ERBB4: variants seen among roughly 807,000 people sequenced by gnomAD.
The protein encoded by ERBB4 is erb-b2 receptor tyrosine kinase 4.
A neutral mutation model predicts 158.0 loss-of-function variants in ERBB4; 42 were observed. The observed-to-expected ratio is 0.27, with a 90% CI of 0.21 to 0.34. The LOEUF is 0.34. Among genes scored for constraint, ERBB4 ranks in the 10% least tolerant of loss-of-function variants. ERBB4 has a pLI of 1.00. For missense variants in ERBB4, 1,333 were observed against 1,624.1 expected (o/e 0.82, Z 3.08); for synonymous variants, 583 against 558.7 (o/e 1.04, Z -0.61).
rs147185440 is a variant in ERBB4 at position 212,099,038 on chromosome 2, T to A, written c.234+25714A>T. Among the ~76,000 whole-genome samples the A allele has an allele frequency of 7.2e-3, 1,088 of 152,068 alleles. 5 individuals are homozygous for A. Among genetic ancestry groups the A allele is most frequent in the Middle Eastern group, 0.027 (8 of 294 alleles). ...GCTCATGCCTGTAATACCAGCAGTT[T>A]GGGAGGCTAAGGTGGGAGGATCACT... On this transcript the variant is annotated intron_variant, in intron 2 of 27. Transcript: ENST00000342788.
chr2:212,373,329 G>A (rs1387013563), intron 1 of ERBB4, among the ~76,000 whole-genome samples: 1 of 152,030 alleles, frequency 6.6e-6, no homozygotes, highest in Admixed American at 6.5e-5. Flanking sequence ...TGTGAGGAAA[G>A]CATAATAAAC....
At chr2:212,484,932 T>C (rs1689897574) in intron 1 of ERBB4, among the ~76,000 whole-genome samples, 1 of 152,204 alleles carries the variant, frequency 6.6e-6, no homozygotes, top group African/African-American at 2.4e-5. Flanking sequence ...ACATGACTCG[T>C]TGGACCAAAT....
chr2:212,381,935 A>G (rs2090516809), intron 1 of ERBB4, among the ~76,000 whole-genome samples: 1 of 151,052 alleles, frequency 6.6e-6, no homozygotes, highest in South Asian at 2.1e-4. Flanking sequence ...AGTTTCCCAT[A>G]TAACTCCAGT....
intron 1 of ERBB4, among the ~76,000 whole-genome samples, chr2:212,141,017 C>T (rs2080447902): frequency 6.6e-6 from 1 of 151,530 alleles, no homozygotes; most frequent in South Asian, 2.1e-4. Flanking sequence ...CTCTTCTGAT[C>T]TCATATTTTA....
At chr2:212,441,501 G>T (rs1345354342) in intron 1 of ERBB4, among the ~76,000 whole-genome samples, 2 of 152,144 alleles carry the variant, frequency 1.3e-5, no homozygotes, top group Admixed American at 6.5e-5. Context: ...GACTCATGAG[G>T]TGAGCTACAC....
chr2:211,819,115 G>A (rs567667134), intron 3 of ERBB4, among the ~76,000 whole-genome samples: 6 of 152,070 alleles, frequency 3.9e-5, no homozygotes, highest in Admixed American at 1.3e-4. Flanking sequence ...TCTCACCATT[G>A]TTTTCCTGTG....
At chr2:212,184,624 C>T (rs10204238) in intron 1 of ERBB4, among the ~76,000 whole-genome samples, 7,612 of 150,468 alleles carry the variant, frequency 0.051, 625 homozygotes, top group African/African-American at 0.17. Flanking sequence ...TAAAAGTAAA[C>T]AAAATGTCTT....
chr2:211,941,639 C>T (rs563418847), intron 3 of ERBB4, among the ~76,000 whole-genome samples: 7 of 151,814 alleles, frequency 4.6e-5, no homozygotes, highest in African/African-American at 1.5e-4. Context: ...AGACAAAGGC[C>T]AGCCTCAGGC....
intron 2 of ERBB4, among the ~76,000 whole-genome samples, chr2:212,091,554 C>G (rs1260265889): frequency 6.6e-6 from 1 of 151,888 alleles, no homozygotes; most frequent in African/African-American, 2.4e-5. Context: ...TTGCATGACC[C>G]CTGAAGGGTG....
chr2:212,092,128 T>G (rs1437248075), intron 2 of ERBB4, among the ~76,000 whole-genome samples: 1 of 152,234 alleles, frequency 6.6e-6, no homozygotes, highest in Non-Finnish European at 1.5e-5. Context: ...ATGTCTTTCC[T>G]AAAACTGCCT....
At chr2:212,005,477 G>A in intron 2 of ERBB4, among the ~76,000 whole-genome samples, 1 of 152,182 alleles carries the variant, frequency 6.6e-6, no homozygotes, top group East Asian at 1.9e-4. Flanking sequence ...ATAGCGGGAG[G>A]TTATGAGGAA....
At chr2:212,218,728 T>G (rs1230886569) in intron 1 of ERBB4, among the ~76,000 whole-genome samples, 1 of 151,384 alleles carries the variant, frequency 6.6e-6, no homozygotes, top group African/African-American at 2.4e-5. Context: ...AGGATGCCAA[T>G]GGCTCATGCT....
chr2:211,580,474 A>G (rs921420939), intron 19 of ERBB4, among the ~76,000 whole-genome samples: 10 of 152,088 alleles, frequency 6.6e-5, no homozygotes, highest in African/African-American at 2.2e-4. Flanking sequence ...AAGAATGGCC[A>G]TAATCAAAAA....
chr2:212,496,093 A>G (rs888414309), intron 1 of ERBB4, among the ~76,000 whole-genome samples: 1 of 152,122 alleles, frequency 6.6e-6, no homozygotes, highest in African/African-American at 2.4e-5. Flanking sequence ...GTAATGATCA[A>G]ATTGCAGTTA....
At chr2:211,857,347 T>C (rs112891769) in intron 3 of ERBB4, among the ~76,000 whole-genome samples, 5 of 152,170 alleles carry the variant, frequency 3.3e-5, no homozygotes, top group Non-Finnish European at 7.4e-5. Context: ...AGTGTTGCTA[T>C]AAGAAACCCT....
intron 1 of ERBB4, among the ~76,000 whole-genome samples, chr2:212,490,926 A>C (rs879445711): frequency 2.6e-5 from 4 of 151,760 alleles, no homozygotes; most frequent in Non-Finnish European, 4.4e-5. Context: ...TTGAAAGTGA[A>C]TAGTATTTTT....
intron 1 of ERBB4, among the ~76,000 whole-genome samples, chr2:212,319,786 T>A (rs894679497): frequency 6.7e-6 from 1 of 150,314 alleles, no homozygotes; most frequent in Non-Finnish European, 1.5e-5. Context: ...TTAGAATGTA[T>A]CTCTTTATGT....
In ERBB4 at chr2:211,882,630, T is replaced by G. The variant is rs2078694772; in HGVS notation, c.421+64800A>C. ...AAATTATTTTGAAATAAATGATACC[T>G]TAATGCTAACACAGCAATATTATCA... is the stretch of plus-strand genomic sequence containing the variant. On this transcript the variant is annotated intron_variant, in intron 3 of 27. Coordinates refer to ENST00000342788, the MANE Select transcript of ERBB4 (RefSeq NM_005235.3). Among the ~76,000 whole-genome samples the G allele has an allele frequency of 2.0e-5, 3 of 152,362 alleles. No individual in the cohort carries two copies. The South Asian group carries it at 6.2e-4, about 32-fold the overall frequency.
In ERBB4 at chr2:212,418,124, T is replaced by C. The variant is rs151004723; in HGVS notation, c.82+120325A>G. Among the ~76,000 whole-genome samples the C allele has an allele frequency of 1.5e-3, 226 of 152,070 alleles. 3 individuals are homozygous for C. The Middle Eastern group carries it at 0.02, about 14-fold the overall frequency. ...TTCCAGTCTTCTGAACTGTGAGAAA[T>C]AACTGTATTGTTAGCCATTCGGTCT... On this transcript the variant is annotated intron_variant, in intron 1 of 27. Coordinates refer to ENST00000342788, the MANE Select transcript of ERBB4 (RefSeq NM_005235.3).
Sources: allele counts gnomAD v4.1 joint callset (sites outside exome capture counted in the v4.1 genomes callset), GRCh38; gene constraint gnomAD v4.1.1; transcripts MANE v1.5; gene names NCBI Gene and HGNC (gene_info 2026-07-23, HGNC 2026-07-21).